Variants in PCDH11X observed in about 807,000 individuals in gnomAD.
The protein encoded by PCDH11X is protocadherin-11 X-linked.
In PCDH11X, 18 loss-of-function variants were observed where a neutral mutation model predicts 53.3. The observed-to-expected ratio is 0.34, with a 90% confidence interval of 0.23 to 0.50. The LOEUF (loss-of-function observed/expected upper bound fraction) is 0.50, where lower values mean the gene tolerates loss of function less well. PCDH11X is among the 20% of genes least tolerant of loss of function. The pLI is 0.98. For missense variants in PCDH11X, 570 were observed against 1,032.4 expected, an observed-to-expected ratio of 0.55 and a Z score of 6.14; for synonymous variants, 279 against 393.3, an observed-to-expected ratio of 0.71 and a Z score of 3.44.
chrX:92,562,068 A>T (rs1373940271), intron 10 of PCDH11X, among the ~76,000 whole-genome samples: 1 of 97,067 alleles, frequency 1.0e-5, no homozygotes, highest in Non-Finnish European at 2.1e-5. Context: ...CTATATGCTC[A>T]GGTTCTGGGG....
At chrX:91,806,719 A>G (rs1936118392) in intron 1 of PCDH11X, among the ~76,000 whole-genome samples, 1 of 112,202 alleles carries the variant, frequency 8.9e-6, no homozygotes, top group Admixed American at 9.5e-5. Context: ...TCAGTGCAGG[A>G]AAAACAACAA....
chrX:92,286,921 G>T (rs1348219854), intron 8 of PCDH11X, among the ~76,000 whole-genome samples: 1 of 98,090 alleles, frequency 1.0e-5, no homozygotes, highest in Non-Finnish European at 2.0e-5. Flanking sequence ...CTGGGTTATT[G>T]TAAGTTTTAA....
intron 6 of PCDH11X, among the ~76,000 whole-genome samples, chrX:91,977,837 T>C (rs1405048108): frequency 9.0e-6 from 1 of 111,350 alleles, no homozygotes; most frequent in Non-Finnish European, 1.9e-5. Context: ...TGTGCTGGGT[T>C]CTGCTTTAAA....
chrX:92,217,967 G>C (rs772315883), intron 7 of PCDH11X, among the ~76,000 whole-genome samples: 1,485 of 108,019 alleles, frequency 0.014, 26 homozygotes, highest in African/African-American at 0.048. Flanking sequence ...GGTACATAAC[G>C]AAATGAAGGC....
chrX:92,618,633 G>C lies in PCDH11X; in HGVS notation c.3737G>C (p.Ser1246Thr). The C allele has an allele frequency of 1.7e-6, 2 of 1,211,904 alleles. No individual in the cohort carries two copies. Among genetic ancestry groups the C allele is most frequent in the Non-Finnish European group, 2.2e-6 (2 of 895,489 alleles). ...GCACAGGCCTCAGCCCTCTGCTACA[G>C]CCCTCCTTTAGCACAGGCTGCTGCA... ...PSAQASALCYSPPLAQAAAIS... is the reference protein window; with the variant it reads ...PSAQASALCYTPPLAQAAAIS... Residue 1246 changes from serine to threonine, a missense_variant, in exon 11 of 11, where the codon AGC becomes ACC. Coordinates refer to ENST00000682573, the MANE Select transcript of PCDH11X (RefSeq NM_032968.5).
chrX:92,148,778 G>GTATATA (rs757499812), intron 6 of PCDH11X, among the ~76,000 whole-genome samples: 12 of 104,273 alleles, frequency 1.2e-4, no homozygotes, highest in African/African-American at 4.2e-4. Context: ...ATATGTGTGT[G>GTATATA]TATATATATA....
chrX:91,827,224 C>T (rs753603806), intron 4 of PCDH11X, among the ~76,000 whole-genome samples: 2 of 111,802 alleles, frequency 1.8e-5, no homozygotes, highest in East Asian at 2.8e-4. Flanking sequence ...TGATATTGAG[C>T]TTTTTTTCAT....
chrX:92,589,862 G>A (rs1025347022), intron 10 of PCDH11X, among the ~76,000 whole-genome samples: 8 of 111,274 alleles, frequency 7.2e-5, no homozygotes, highest in Non-Finnish European at 1.1e-4. Context: ...AAGCTAATGG[G>A]AGGCCATCAG....
At chrX:91,984,034 A>G (rs899597379) in intron 6 of PCDH11X, among the ~76,000 whole-genome samples, 1 of 103,872 alleles carries the variant, frequency 9.6e-6, no homozygotes, top group Non-Finnish European at 2.0e-5. Flanking sequence ...TTTTTTTACT[A>G]CAAAATATAC....
At chrX:92,233,471 C>T (rs760210989) in intron 7 of PCDH11X, among the ~76,000 whole-genome samples, 15 of 111,143 alleles carry the variant, frequency 1.3e-4, no homozygotes, top group Non-Finnish European at 2.6e-4. Flanking sequence ...AAAACATTCA[C>T]GAGTTATAAG....
chrX:92,094,518 C>G (rs1412111560), intron 6 of PCDH11X, among the ~76,000 whole-genome samples: 2 of 111,236 alleles, frequency 1.8e-5, no homozygotes, highest in Non-Finnish European at 3.8e-5. Flanking sequence ...GACAAGCCCA[C>G]TTGTTCTCTC....
At chrX:91,847,276 C>T (rs192041539) in intron 5 of PCDH11X, among the ~76,000 whole-genome samples, 2 of 110,874 alleles carry the variant, frequency 1.8e-5, no homozygotes, top group East Asian at 5.7e-4. Flanking sequence ...ATCAATTCCC[C>T]TGCCTCAGCC....
At chrX:92,611,696 A>G in intron 10 of PCDH11X, among the ~76,000 whole-genome samples, 1 of 102,721 alleles carries the variant, frequency 9.7e-6, no homozygotes. Context: ...TTGCCTGTTT[A>G]GTATGATGTT....
intron 5 of PCDH11X, among the ~76,000 whole-genome samples, chrX:91,858,297 A>G (rs763290520): frequency 9.0e-6 from 1 of 110,845 alleles, no homozygotes; most frequent in Non-Finnish European, 1.9e-5. Context: ...TTTTTCTCCT[A>G]GGCCTCCCAG....
intron 6 of PCDH11X, among the ~76,000 whole-genome samples, chrX:92,075,502 C>T (rs1277614771): frequency 1.8e-5 from 2 of 111,550 alleles, no homozygotes; most frequent in Admixed American, 1.9e-4. Context: ...ATGAACAAAT[C>T]ATATTCACCT....
At chrX:91,904,605 C>A (rs1271121607) in intron 6 of PCDH11X, among the ~76,000 whole-genome samples, 8 of 110,892 alleles carry the variant, frequency 7.2e-5, no homozygotes, top group East Asian at 5.7e-4. Flanking sequence ...TATAATCCTA[C>A]CAACTCAATG....
intron 6 of PCDH11X, among the ~76,000 whole-genome samples, chrX:92,199,450 T>C: frequency 8.9e-6 from 1 of 112,010 alleles, no homozygotes; most frequent in Middle Eastern, 4.6e-3. Context: ...ATGTGGTACA[T>C]GTAAGGAAAG....
At chrX:91,977,140 A>G (rs2062057478) in intron 6 of PCDH11X, among the ~76,000 whole-genome samples, 1 of 111,936 alleles carries the variant, frequency 8.9e-6, no homozygotes, top group African/African-American at 3.2e-5. Flanking sequence ...ATCTATTTAG[A>G]TATAAATTGC....
At chrX:92,289,741 T>C (rs772929811) in intron 8 of PCDH11X, among the ~76,000 whole-genome samples, 2 of 110,959 alleles carry the variant, frequency 1.8e-5, no homozygotes, top group Non-Finnish European at 3.8e-5. Context: ...GACTCAGTAA[T>C]AGTAGGAACA....
Sources: gnomAD v4.1 joint callset for allele counts (sites outside exome capture counted in the v4.1 genomes callset) on GRCh38, gnomAD v4.1.1 for gene constraint, MANE v1.5 for transcripts, NCBI Gene and HGNC (gene_info 2026-07-23, HGNC 2026-07-21) for gene names.